PPCDC: variants seen among roughly 807,000 people sequenced by gnomAD.
The protein encoded by PPCDC is phosphopantothenoylcysteine decarboxylase.
PPCDC carries 20 observed loss-of-function variants against 20.7 expected under a neutral mutation model. The observed-to-expected ratio is 0.97, with a 90% CI of 0.68 to 1.41. The LOEUF (loss-of-function observed/expected upper bound fraction) is 1.41. Among genes scored for constraint, PPCDC ranks in the 40% most tolerant of loss-of-function variants. PPCDC has a pLI of 0.00. For synonymous variants in PPCDC, 88 were observed against 100.3 expected (o/e 0.88, Z 0.73); for missense variants, 246 against 263.8 (o/e 0.93, Z 0.47).
intron 2 of PPCDC, among the ~76,000 whole-genome samples, chr15:75,032,189 G>A (rs528186840): frequency 1.3e-5 from 2 of 152,300 alleles, no homozygotes; most frequent in South Asian, 2.1e-4. Flanking sequence ...GGAGAAGACA[G>A]ACATCGCCCT....
At chr15:75,047,138 G>A (rs1439685556) in intron 4 of PPCDC, among the ~76,000 whole-genome samples, 3 of 152,242 alleles carry the variant, frequency 2.0e-5, no homozygotes, top group African/African-American at 7.2e-5. Flanking sequence ...CCTGGTTGGT[G>A]TGCTTTGCTT....
At chr15:75,042,522 G>T (rs1438001275) in intron 2 of PPCDC, among the ~76,000 whole-genome samples, 3 of 151,998 alleles carry the variant, frequency 2.0e-5, no homozygotes, top group Non-Finnish European at 4.4e-5. Flanking sequence ...GCGTGGTGGT[G>T]TGCACCTGTA....
chr15:75,044,786 G>T (rs2066208500), intron 4 of PPCDC: 4 of 400,952 alleles, frequency 1.0e-5, no homozygotes, highest in South Asian at 7.2e-5. Context: ...GGTGCCCACA[G>T]GAAGACCCTT....
intron 2 of PPCDC, among the ~76,000 whole-genome samples, chr15:75,042,855 A>C (rs1463102114): frequency 2.0e-5 from 3 of 152,146 alleles, no homozygotes; most frequent in African/African-American, 7.2e-5. Flanking sequence ...TGTAGGGCAC[A>C]CACAGGCTGG....
intron 2 of PPCDC, among the ~76,000 whole-genome samples, chr15:75,036,109 G>T (rs1047719817): frequency 6.6e-6 from 1 of 152,164 alleles, no homozygotes; most frequent in Non-Finnish European, 1.5e-5. Flanking sequence ...GACCCACAAA[G>T]GTGTAAGAGA....
chr15:75,045,622 A>G (rs573499585), intron 4 of PPCDC, among the ~76,000 whole-genome samples: 1 of 152,264 alleles, frequency 6.6e-6, no homozygotes, highest in African/African-American at 2.4e-5. Flanking sequence ...GCACTCCTCA[A>G]AGAATCTGCC....
Position 75,028,454 on chromosome 15 carries a change from G to A in PPCDC, c.135+1G>A, listed in dbSNP as rs2065983857. On this transcript the variant is annotated splice_donor_variant, in intron 2 of 5. Transcript: ENST00000342932. LOFTEE classifies it high-confidence loss of function. ...GTCAAAGCTTTTGGACATTCCTGGG[G>A]TGAGTATCCTCACCAGATAAGCATG... The A allele has an allele frequency of 5.6e-6, 9 of 1,614,110 alleles. No homozygotes were observed. Among genetic ancestry groups the A allele is most frequent in the Admixed American group, 1.7e-5 (1 of 60,014 alleles).
intron 2 of PPCDC, among the ~76,000 whole-genome samples, chr15:75,033,515 G>GT (rs200069199): frequency 0.12 from 17,837 of 150,832 alleles, 1,201 homozygotes; most frequent in Middle Eastern, 0.29. Flanking sequence ...GTGTGTGTGT[G>GT]TTTTTTTGTT....
chr15:75,044,289 C>T lies in PPCDC; in HGVS notation c.232-97C>T. 4.6e-6 allele frequency: 7 copies of T among 1,535,910 alleles called. No homozygotes were observed. In the South Asian group the frequency reaches 8.0e-5, roughly 17 times the overall value. On this transcript the variant is annotated intron_variant, in intron 3 of 5. Coordinates refer to ENST00000342932, the MANE Select transcript of PPCDC (RefSeq NM_021823.5). The stretch of plus-strand genomic sequence containing the variant: ...GGAGGTTGGCCTGGGCAGGGCAGGT[C>T]AGTGGGTTCCTCAGTCTCCTGACTT...
chr15:75,028,395 G>A lies in PPCDC; in HGVS notation c.77G>A (p.Gly26Glu). ...TTCCATGTTCTTGTGGGTGTCACGG[G>A]GAGTGTCGCAGCCCTGAAGTTGCCT... is the stretch of plus-strand genomic sequence containing the variant. ...RKFHVLVGVT[G>E]SVAALKLPLL... The change falls in exon 2 of 6, where the codon GGG becomes GAG. Residue 26 changes from glycine (G) to glutamate (E), a missense_variant. Gly to Glu is a moderately conservative substitution (Grantham distance 98, BLOSUM62 -2). Around this residue, in one of 2 missense-constraint regions of PPCDC, gnomAD observed 225 missense variants for 222.6 expected, o/e 1.01. Transcript: ENST00000342932. The A allele has an allele frequency of 6.2e-7, 1 of 1,614,208 alleles. No homozygotes were observed. The highest frequency in any genetic ancestry group is 8.5e-7 in the Non-Finnish European group (1 of 1,180,040).
intron 4 of PPCDC, among the ~76,000 whole-genome samples, chr15:75,047,706 C>T (rs970264289): frequency 2.6e-5 from 4 of 152,216 alleles, no homozygotes; most frequent in Admixed American, 2.0e-4. Context: ...TCACAGCTGC[C>T]CAGGGAGGGA....
intron 2 of PPCDC, among the ~76,000 whole-genome samples, chr15:75,037,751 G>T (rs559467394): frequency 2.0e-5 from 3 of 152,210 alleles, no homozygotes; most frequent in East Asian, 3.9e-4. Context: ...TGTTGTTGTT[G>T]TTGTTTTTAA....
At chr15:75,026,312 A>G (rs2065959674) in intron 1 of PPCDC, among the ~76,000 whole-genome samples, 1 of 152,232 alleles carries the variant, frequency 6.6e-6, no homozygotes, top group Non-Finnish European at 1.5e-5. Context: ...TGTTCTGGGA[A>G]GAAGCTGGCT....
At position 75,049,198 on chromosome 15, in the gene PPCDC, A is replaced by T. The variant is rs771268043; in HGVS notation, c.578A>T (p.Glu193Val). The T allele has an allele frequency of 6.2e-7, 1 of 1,614,082 alleles. No individual in the cohort carries two copies. The highest frequency in any genetic ancestry group is 1.7e-5 in the Admixed American group (1 of 60,000). The change falls in exon 6 of 6, where the codon GAA (glutamate) becomes GTA (valine). Residue 193 changes from glutamate (E) to valine (V), a missense_variant. Glu to Val is a moderately radical substitution (Grantham distance 121). This residue lies in a region of PPCDC where 21 missense variants were observed against 41.2 expected (regional missense o/e 0.51). Transcript: ENST00000342932. The part of the protein sequence containing the change: ...EVGTIVDKVK[E>V]VLFQHSGFQQ... ...GGGACCATCGTGGACAAAGTGAAAG[A>T]AGTCCTCTTCCAGCACAGTGGCTTC...
intron 2 of PPCDC, among the ~76,000 whole-genome samples, chr15:75,038,260 G>T (rs1237142499): frequency 6.6e-6 from 1 of 152,116 alleles, no homozygotes; most frequent in South Asian, 2.1e-4. Context: ...CCACACCCAC[G>T]CCCGTGGACA....
rs1036993572 is a variant in PPCDC at position 75,032,730 on chromosome 15, C to CA, written c.135+4277_135+4278insA. On this transcript the variant is annotated intron_variant, in intron 2 of 5. Transcript: ENST00000342932. ...GTAGGAGCTAGCAAACTGGACCCCC[C>CA]CCCCCAAGGCCAAATTCGGCTCTGC... Among the ~76,000 whole-genome samples, 183 of 128,790 alleles carry CA rather than the reference C, an allele frequency of 1.4e-3. 25 individuals are homozygous for CA. The Middle Eastern group carries it at 0.046, about 32-fold the overall frequency. The allele number at this position is 128,790 out of a possible 152,430, so 84.5% of individuals were successfully genotyped here.
At position 75,049,542 on chromosome 15, in the gene PPCDC, G is replaced by C. The variant is rs1393538782; in HGVS notation, c.*307G>C. On this transcript the variant is annotated 3_prime_UTR_variant, in exon 6 of 6. Transcript: ENST00000342932. ...AGGACTGAGCGACTGGGAAAACTCG[G>C]CTCTACATCTCACCCAGAACGGCTT... The C allele has an allele frequency of 3.1e-6, 1 of 320,632 alleles. No homozygotes were observed. Among genetic ancestry groups the C allele is most frequent in the Admixed American group, 4.6e-5 (1 of 21,662 alleles). 19.9% of individuals were successfully genotyped at this position (320,632 alleles called of 1,614,324 possible).
At chr15:75,035,916 G>A (rs887500672) in intron 2 of PPCDC, among the ~76,000 whole-genome samples, 3 of 147,400 alleles carry the variant, frequency 2.0e-5, no homozygotes, top group Admixed American at 1.4e-4. Context: ...GCAGTGAGCC[G>A]AGATAGTGTC....
Position 75,046,590 on chromosome 15 carries a change from G to T in PPCDC, c.361-1963G>T, listed in dbSNP as rs767751262. ...CAGCCCCCAGATCATTTGCCTCAAA[G>T]GTTTTCCCTCGAAGTCACAAATGTT... On this transcript the variant is annotated intron_variant, in intron 4 of 5. Coordinates refer to ENST00000342932, the MANE Select transcript of PPCDC (RefSeq NM_021823.5). 3.3e-4 allele frequency among the ~76,000 whole-genome samples: 50 copies of T among 152,376 alleles called. 1 individual carries two copies. The South Asian group carries it at 3.9e-3, about 12-fold the overall frequency.
Sources: gnomAD v4.1 joint callset for allele counts (sites outside exome capture counted in the v4.1 genomes callset) on GRCh38, gnomAD v4.1.1 for gene constraint, gnomAD v4.1.1 regional missense constraint, MANE v1.5 for transcripts, NCBI Gene and HGNC (gene_info 2026-07-23, HGNC 2026-07-21) for gene names.